Variants in CACNA2D3 observed in about 807,000 individuals in gnomAD.
CACNA2D3 encodes voltage-dependent calcium channel subunit alpha-2/delta-3.
Under a neutral mutation model 160.6 loss-of-function variants are expected in CACNA2D3, and 60 were observed. The observed-to-expected ratio is 0.37, with a 90% CI of 0.30 to 0.46. The LOEUF (loss-of-function observed/expected upper bound fraction) is 0.46, where lower values mean the gene tolerates loss of function less well. Ranked by LOEUF, CACNA2D3 falls within the 20% of genes least tolerant of loss-of-function variation. The pLI is 1.00. For missense variants in CACNA2D3, 1,205 were observed against 1,365.0 expected (o/e 0.88, Z 1.85); for synonymous variants, 558 against 492.9 (o/e 1.13, Z -1.75).
intron 9 of CACNA2D3, chr3:54,626,210 G>T: frequency 1.2e-6 from 1 of 853,832 alleles, no homozygotes; most frequent in East Asian, 2.6e-5. Flanking sequence ...TGAGGATCCG[G>T]CAAGATGGCA....
chr3:55,049,346 T>G (rs1161185213), intron 35 of CACNA2D3, among the ~76,000 whole-genome samples: 3 of 143,714 alleles, frequency 2.1e-5, no homozygotes, highest in African/African-American at 8.3e-5. Flanking sequence ...ATTTCTGCCT[T>G]CATTTCGTTA....
At chr3:54,698,179 G>T (rs1439908255) in intron 11 of CACNA2D3, among the ~76,000 whole-genome samples, 1 of 152,134 alleles carries the variant, frequency 6.6e-6, no homozygotes, top group Non-Finnish European at 1.5e-5. Flanking sequence ...TGTCAGTGTG[G>T]AACTAAAGAA....
chr3:54,253,296 T>C (rs1161130743), intron 2 of CACNA2D3, among the ~76,000 whole-genome samples: 1 of 152,172 alleles, frequency 6.6e-6, no homozygotes, highest in Admixed American at 6.5e-5. Flanking sequence ...GAAAAGAGGT[T>C]TAATCGGCTT....
chr3:54,802,264 T>C (rs17054404), intron 13 of CACNA2D3, among the ~76,000 whole-genome samples: 19,763 of 151,952 alleles, frequency 0.13, 1,497 homozygotes, highest in East Asian at 0.35. Flanking sequence ...GTGAAGGAAG[T>C]AGCAGACTGG....
chr3:54,421,866 G>A (rs931596663), intron 4 of CACNA2D3, among the ~76,000 whole-genome samples: 4 of 152,064 alleles, frequency 2.6e-5, no homozygotes, highest in East Asian at 1.9e-4. Flanking sequence ...TGTGCAAGAA[G>A]CACTGGGATA....
chr3:54,124,546 A>G (rs1699548265), intron 2 of CACNA2D3, among the ~76,000 whole-genome samples: 1 of 152,240 alleles, frequency 6.6e-6, no homozygotes, highest in Non-Finnish European at 1.5e-5. Context: ...AACATTTTAA[A>G]ATATGATTTT....
rs1703129235 is a variant in CACNA2D3 at position 55,007,830 on chromosome 3, C to A, written c.2807C>A (p.Thr936Lys). The A allele has an allele frequency of 1.3e-6, 2 of 1,554,886 alleles. No homozygotes were observed. Among genetic ancestry groups the A allele is most frequent in the African/African-American group, 1.4e-5 (1 of 73,036 alleles). Residue 936 changes from threonine (T) to lysine (K), a missense_variant, in exon 33 of 38, where the codon ACA (threonine) becomes AAA (lysine). Coordinates refer to ENST00000474759, the MANE Select transcript of CACNA2D3 (RefSeq NM_018398.3). ...CTCTCTGCAGTAAAATGGATCATGA[C>A]AGAACTTGTCTTGTAAGTAAAATCT... is the stretch of plus-strand genomic sequence containing the variant. ...AFLSAVKWIMTELVLFLVEFN... is the reference protein window; with the variant it reads ...AFLSAVKWIMKELVLFLVEFN...
chr3:54,995,778 T>C (rs1702843022), intron 31 of CACNA2D3, among the ~76,000 whole-genome samples: 1 of 152,252 alleles, frequency 6.6e-6, no homozygotes, highest in Non-Finnish European at 1.5e-5. Context: ...AGAATAGTTA[T>C]TGTGAAACTA....
Position 54,470,021 on chromosome 3 carries a change from C to T in CACNA2D3, c.382-33471C>T, listed in dbSNP as rs116856408. ...GAAAACACTCTTCAGGATATTATGC[C>T]GGAGAATTTCCCCAATCTAGCAAGA... On this transcript the variant is annotated intron_variant, in intron 4 of 37. Coordinates refer to ENST00000474759, the MANE Select transcript of CACNA2D3 (RefSeq NM_018398.3). Among the ~76,000 whole-genome samples the T allele has an allele frequency of 1.8e-4, 27 of 152,110 alleles. No homozygotes were observed. In the East Asian group the frequency reaches 2.5e-3, roughly 14 times the overall value.
At chr3:54,303,818 GTTT>G (rs71617795) in intron 2 of CACNA2D3, among the ~76,000 whole-genome samples, 2,611 of 114,950 alleles carry the variant, frequency 0.023, 38 homozygotes, top group African/African-American at 0.058. Flanking sequence ...CTTTTTTTCT[GTTT>G]TTTTTTTTTT....
intron 9 of CACNA2D3, among the ~76,000 whole-genome samples, chr3:54,597,219 A>G (rs1215637536): frequency 6.6e-6 from 1 of 152,016 alleles, no homozygotes; most frequent in African/African-American, 2.4e-5. Context: ...TCTGTCTACT[A>G]GCCAGTCTCT....
chr3:54,642,098 A>G, intron 10 of CACNA2D3, 30 bp from the exon 11 acceptor site: 2 of 1,410,958 alleles, frequency 1.4e-6, no homozygotes, highest in Non-Finnish European at 2.0e-6. Context: ...TCTGATATGT[A>G]TACTATTTTG....
At chr3:54,723,011 G>A (rs1701200138) in intron 11 of CACNA2D3, among the ~76,000 whole-genome samples, 1 of 152,196 alleles carries the variant, frequency 6.6e-6, no homozygotes, top group African/African-American at 2.4e-5. Context: ...CCCTCCGCCA[G>A]GTACTCTGTC....
Position 55,027,403 on chromosome 3 carries a change from A to G in CACNA2D3, c.2987+9086A>G, listed in dbSNP as rs559308398. On this transcript the variant is annotated intron_variant, in intron 35 of 37. Transcript: ENST00000474759. ...TTTTCTGTGAGCTTTGTATTCTCAG[A>G]ATGCAGTATATTAAGGAGGAAAATA... is the stretch of plus-strand genomic sequence containing the variant. 4.6e-5 allele frequency among the ~76,000 whole-genome samples: 7 copies of G among 152,278 alleles called. No homozygotes were observed. In the East Asian group the frequency reaches 1.3e-3, roughly 29 times the overall value.
At chr3:54,556,115 A>T (rs1702238544) in intron 5 of CACNA2D3, among the ~76,000 whole-genome samples, 2 of 152,236 alleles carry the variant, frequency 1.3e-5, no homozygotes, top group Non-Finnish European at 2.9e-5. Context: ...AGGATAATTC[A>T]GAGAACATTG....
At chr3:54,733,242 C>T (rs1701424926) in intron 11 of CACNA2D3, among the ~76,000 whole-genome samples, 1 of 152,316 alleles carries the variant, frequency 6.6e-6, no homozygotes, top group Middle Eastern at 3.4e-3. Context: ...GCTGTGTCCC[C>T]TTAAGCGGAT....
chr3:54,309,433 A>AT (rs1180811260), intron 2 of CACNA2D3, among the ~76,000 whole-genome samples: 3 of 152,264 alleles, frequency 2.0e-5, no homozygotes, highest in Non-Finnish European at 2.9e-5. Flanking sequence ...ATCTATGAAG[A>AT]TTTTTTTTAA....
intron 34 of CACNA2D3, among the ~76,000 whole-genome samples, chr3:55,015,092 C>T (rs1263617225): frequency 6.6e-6 from 1 of 152,224 alleles, no homozygotes; most frequent in Non-Finnish European, 1.5e-5. Context: ...GTATTGGACT[C>T]ATTCCATTGT....
At chr3:54,768,941 T>C (rs752053899) in intron 13 of CACNA2D3, among the ~76,000 whole-genome samples, 3 of 152,160 alleles carry the variant, frequency 2.0e-5, no homozygotes, top group Non-Finnish European at 4.4e-5. Context: ...TTGAGCAACC[T>C]GTCAGGCCAG....
Sources: gnomAD v4.1 joint callset for allele counts (sites outside exome capture counted in the v4.1 genomes callset) on GRCh38, gnomAD v4.1.1 for gene constraint, MANE v1.5 for transcripts, NCBI Gene and HGNC (gene_info 2026-07-23, HGNC 2026-07-21) for gene names.